Variants in CABCOCO1 observed in about 807,000 individuals in gnomAD.
CABCOCO1 encodes the protein ciliary associated calcium binding coiled-coil 1.
In CABCOCO1, 28 loss-of-function variants were observed where a neutral mutation model predicts 35.7. That is an observed-to-expected ratio of 0.78 (90% CI 0.58 to 1.07). The LOEUF is 1.07. CABCOCO1 is among the 50% of genes least tolerant of loss of function. The pLI is 0.00. For missense variants in CABCOCO1, 326 were observed against 309.2 expected (o/e 1.05, Z -0.41); for synonymous variants, 95 against 100.1 (o/e 0.95, Z 0.30).
chr10:61,756,960 T>C (rs759715849), intron 5 of CABCOCO1, among the ~76,000 whole-genome samples: 1 of 152,126 alleles, frequency 6.6e-6, no homozygotes, highest in Non-Finnish European at 1.5e-5. Context: ...ACTAGCTTTA[T>C]TTAATTTGTT....
intron 5 of CABCOCO1, among the ~76,000 whole-genome samples, chr10:61,732,964 T>C (rs1301744543): frequency 2.0e-5 from 3 of 152,090 alleles, no homozygotes; most frequent in Non-Finnish European, 4.4e-5. Flanking sequence ...AGAGCTTTTA[T>C]TGGGATCAAG....
intron 5 of CABCOCO1, among the ~76,000 whole-genome samples, chr10:61,718,371 A>C (rs754032021): frequency 6.6e-6 from 1 of 152,184 alleles, no homozygotes; most frequent in Non-Finnish European, 1.5e-5. Context: ...TGTTTGTTTC[A>C]GTCCAAAAAG....
At chr10:61,692,687 C>A (rs1225249289) in intron 5 of CABCOCO1, among the ~76,000 whole-genome samples, 1 of 152,118 alleles carries the variant, frequency 6.6e-6, no homozygotes, top group African/African-American at 2.4e-5. Context: ...GGTACTTGTT[C>A]TAATGCTAGA....
At chr10:61,755,726 T>C (rs1313105139) in intron 5 of CABCOCO1, among the ~76,000 whole-genome samples, 2 of 151,994 alleles carry the variant, frequency 1.3e-5, no homozygotes, top group African/African-American at 2.4e-5. Flanking sequence ...GCACAAACAC[T>C]ACACACAAAT....
Position 61,680,585 on chromosome 10 carries a change from T to C in CABCOCO1, c.165-558T>C, listed in dbSNP as rs1218399194. Among the ~76,000 whole-genome samples, 2 of 80,452 alleles carry C rather than the reference T, an allele frequency of 2.5e-5. 1 individual carries two copies. The highest frequency in any genetic ancestry group is 5.0e-5 in the Non-Finnish European group (2 of 39,682). The allele number at this position is 80,452 out of a possible 152,430, so 52.8% of individuals were successfully genotyped here. ...ATATTTGTATATATTATGTTATATATAACATATGTTATACATGTATAACAT... is the reference window on the plus strand; with the variant it reads ...ATATTTGTATATATTATGTTATATACAACATATGTTATACATGTATAACAT... On this transcript the variant is annotated intron_variant, in intron 2 of 7. Transcript: ENST00000648843.
chr10:61,755,766 A>G (rs557129499), intron 5 of CABCOCO1, among the ~76,000 whole-genome samples: 9 of 152,194 alleles, frequency 5.9e-5, no homozygotes, highest in African/African-American at 2.2e-4. Flanking sequence ...AAGCATTACT[A>G]AAGTAAAACA....
At chr10:61,762,581 A>G (rs372737255) in intron 7 of CABCOCO1, among the ~76,000 whole-genome samples, 28 of 152,228 alleles carry the variant, frequency 1.8e-4, no homozygotes, top group African/African-American at 5.8e-4. Context: ...GGATTTATAC[A>G]ATGGCTCAAG....
intron 5 of CABCOCO1, among the ~76,000 whole-genome samples, chr10:61,742,850 CA>C (rs1447581145): frequency 6.6e-6 from 1 of 152,004 alleles, no homozygotes; most frequent in Non-Finnish European, 1.5e-5. Context: ...TAAATAATTT[CA>C]GGAGAAGATA....
rs1564533880 is a variant in CABCOCO1, at chr10:61,682,885, A to ATTTCTT, written c.334+1577_334+1582dup. ...AGTACCAGGAGTTAGTTTCACATGAATTTCTTTTTTTTTTTTTTTAAGACA... is the reference window on the plus strand; with the variant it reads ...AGTACCAGGAGTTAGTTTCACATGAATTTCTTTTTCTTTTTTTTTTTTTTTAAGACA... On this transcript the variant is annotated intron_variant, in intron 3 of 7. Transcript: ENST00000648843. Among the ~76,000 whole-genome samples the ATTTCTT allele has an allele frequency of 6.4e-4, 28 of 43,612 alleles. 1 individual carries two copies. Among genetic ancestry groups the ATTTCTT allele is most frequent in the Non-Finnish European group, 1.0e-3 (18 of 17,318 alleles). The allele number at this position is 43,612 out of a possible 152,430, so 28.6% of individuals were successfully genotyped here. A position where few individuals can be genotyped will look rare whatever the true frequency, so the allele number is the denominator to read the frequency against.
Position 61,761,010 on chromosome 10 carries a change from A to G in CABCOCO1, c.816+7A>G. The stretch of plus-strand genomic sequence containing the variant: ...CATTTTAATCGGCATTCAGGTACTC[A>G]GTATTGATAGTATGCTCACTTACTT... On this transcript the variant is annotated splice_region_variant and intron_variant, in intron 7 of 7. Coordinates refer to ENST00000648843, the MANE Select transcript of CABCOCO1 (RefSeq NM_001366906.2). 3 of 1,610,796 alleles carry G rather than the reference A, an allele frequency of 1.9e-6. No homozygotes were observed. Among genetic ancestry groups the G allele is most frequent in the Non-Finnish European group, 2.5e-6 (3 of 1,178,424 alleles).
intron 5 of CABCOCO1, among the ~76,000 whole-genome samples, chr10:61,743,035 C>T (rs1487776909): frequency 1.3e-5 from 2 of 152,172 alleles, no homozygotes; most frequent in Non-Finnish European, 2.9e-5. Flanking sequence ...ATGAACAAAG[C>T]AGCCGCAGAT....
chr10:61,743,058 A>G (rs2132070317), intron 5 of CABCOCO1, among the ~76,000 whole-genome samples: 1 of 152,322 alleles, frequency 6.6e-6, no homozygotes, highest in Middle Eastern at 3.4e-3. Flanking sequence ...TAGCTCAAAA[A>G]TCACACTAGG....
chr10:61,766,015 G>A lies in CABCOCO1; in HGVS notation c.*2G>A. The A allele has an allele frequency of 6.2e-7, 1 of 1,610,496 alleles. No individual in the cohort carries two copies. Among genetic ancestry groups the A allele is most frequent in the Non-Finnish European group, 8.5e-7 (1 of 1,177,146 alleles). ...ATAGAAAAATTGAAAAAGGCCTAAGGACTTGGTACAAGGAGAGTGATGCTA... is the reference window on the plus strand; with the variant it reads ...ATAGAAAAATTGAAAAAGGCCTAAGAACTTGGTACAAGGAGAGTGATGCTA... On this transcript the variant is annotated 3_prime_UTR_variant, in exon 8 of 8. Transcript: ENST00000648843.
chr10:61,690,166 T>G lies in CABCOCO1; in HGVS notation c.480-383T>G, dbSNP rs532145699. 2.0e-5 allele frequency among the ~76,000 whole-genome samples: 3 copies of G among 152,230 alleles called. No individual in the cohort carries two copies. The South Asian group carries it at 6.2e-4, about 32-fold the overall frequency. On this transcript the variant is annotated intron_variant, in intron 4 of 7. Transcript: ENST00000648843. Reference sequence around the variant, plus strand: ...CAGTGCCATTTGTACCAGAGGAAATTGACTCCTGTTTGCAGCAAAAGAGCA... The same window carrying G: ...CAGTGCCATTTGTACCAGAGGAAATGGACTCCTGTTTGCAGCAAAAGAGCA...
Position 61,662,996 on chromosome 10 carries a change from G to GGGGACGACCCCGGCA in CABCOCO1, c.27_28insACGACCCCGGCAGGG (p.Gly9_Pro10insThrThrProAlaGly). 3.1e-6 allele frequency: 1 copy of GGGGACGACCCCGGCA among 321,888 alleles called. No individual in the cohort carries two copies. Among genetic ancestry groups the GGGGACGACCCCGGCA allele is most frequent in the Non-Finnish European group, 6.6e-6 (1 of 150,720 alleles). 19.9% of individuals were successfully genotyped at this position (321,888 alleles called of 1,614,324 possible). On this transcript the variant is annotated inframe_insertion, in exon 1 of 8. Coordinates refer to ENST00000648843, the MANE Select transcript of CABCOCO1 (RefSeq NM_001366906.2). ...CGATGTCGCAGGGGACGACTCCCTG[G>GGGGACGACCCCGGCA]GGGCCGACCCCGGCGGGAACCACGC...
At chr10:61,685,258 C>T (rs1002273699) in intron 3 of CABCOCO1, 3 of 152,214 alleles carry the variant, frequency 2.0e-5, no homozygotes, top group African/African-American at 4.8e-5. Flanking sequence ...AAACAATTGG[C>T]TAAAGCCCAG....
chr10:61,708,136 G>T (rs892032523), intron 5 of CABCOCO1, among the ~76,000 whole-genome samples: 10 of 150,864 alleles, frequency 6.6e-5, no homozygotes, highest in Non-Finnish European at 1.3e-4. Flanking sequence ...TTGGGATCAG[G>T]CTCCACAACT....
chr10:61,754,707 A>G (rs539924230), intron 5 of CABCOCO1, among the ~76,000 whole-genome samples: 5 of 152,290 alleles, frequency 3.3e-5, no homozygotes, highest in African/African-American at 1.2e-4. Context: ...GTGGCCTGCC[A>G]ACTTAAATTT....
chr10:61,675,782 A>G (rs966532212), intron 2 of CABCOCO1, among the ~76,000 whole-genome samples: 1 of 152,124 alleles, frequency 6.6e-6, no homozygotes, highest in Non-Finnish European at 1.5e-5. Flanking sequence ...GAACTAAGGC[A>G]AGAAACTAAG....
Sources: allele counts gnomAD v4.1 joint callset (sites outside exome capture counted in the v4.1 genomes callset), GRCh38; gene constraint gnomAD v4.1.1; transcripts MANE v1.5; gene names NCBI Gene and HGNC (gene_info 2026-07-23, HGNC 2026-07-21).